Variants in GSG1L observed in about 807,000 individuals in gnomAD.
GSG1L encodes the protein GSG1 like, also known as germ cell-specific gene 1-like protein.
Under a neutral mutation model 42.1 loss-of-function variants are expected in GSG1L, and 24 were observed. That is an observed-to-expected ratio of 0.57 (90% confidence interval 0.41 to 0.80). GSG1L has a LOEUF of 0.80. Ranked by LOEUF, GSG1L falls within the 30% of genes least tolerant of loss-of-function variation. The probability of loss-of-function intolerance (pLI) is 0.00; values close to 1 mark genes in which losing one functional copy is unlikely to be tolerated. For synonymous variants in GSG1L, 215 were observed against 203.5 expected, an observed-to-expected ratio of 1.06 and a Z score of -0.48; for missense variants, 445 against 472.2, an observed-to-expected ratio of 0.94 and a Z score of 0.53.
At chr16:27,938,468 C>G (rs559260466) in intron 2 of GSG1L, among the ~76,000 whole-genome samples, 3 of 147,082 alleles carry the variant, frequency 2.0e-5, no homozygotes, top group African/African-American at 7.6e-5. Flanking sequence ...CCAAAGGTTC[C>G]CATTGAGACA....
intron 1 of GSG1L, among the ~76,000 whole-genome samples, chr16:28,010,548 C>T (rs2085705742): frequency 6.6e-6 from 1 of 152,126 alleles, no homozygotes; most frequent in Non-Finnish European, 1.5e-5. Context: ...GCCACCGTGC[C>T]AAGGCCATTT....
intron 2 of GSG1L, among the ~76,000 whole-genome samples, chr16:27,886,935 C>T (rs1365910719): frequency 6.6e-6 from 1 of 151,918 alleles, no homozygotes; most frequent in African/African-American, 2.4e-5. Context: ...TGTCTCTTTT[C>T]TTTCTCTCTT....
chr16:28,005,085 A>G (rs574984599), intron 1 of GSG1L, among the ~76,000 whole-genome samples: 5 of 152,128 alleles, frequency 3.3e-5, no homozygotes, highest in Non-Finnish European at 7.4e-5. Flanking sequence ...ATTCCTTCTG[A>G]GGGCTGTGGG....
chr16:27,885,936 G>A (rs559675999), intron 2 of GSG1L, among the ~76,000 whole-genome samples: 3 of 152,162 alleles, frequency 2.0e-5, no homozygotes, highest in Non-Finnish European at 2.9e-5. Context: ...GGGAGGATCT[G>A]TTGTTTTTCC....
intron 3 of GSG1L, among the ~76,000 whole-genome samples, chr16:27,848,765 C>T (rs968731100): frequency 5.9e-5 from 9 of 151,928 alleles, no homozygotes; most frequent in Non-Finnish European, 1.5e-5. Flanking sequence ...GAGGAAGTGA[C>T]ATTTAAGCAG....
intron 1 of GSG1L, among the ~76,000 whole-genome samples, chr16:28,062,370 C>T (rs1057444822): frequency 2.0e-5 from 3 of 152,192 alleles, no homozygotes; most frequent in African/African-American, 7.2e-5. Flanking sequence ...TTGTGCTAAG[C>T]TAAGCCCTCC....
intron 1 of GSG1L, among the ~76,000 whole-genome samples, chr16:28,038,525 G>T (rs567441652): frequency 6.6e-6 from 1 of 152,098 alleles, no homozygotes; most frequent in Non-Finnish European, 1.5e-5. Context: ...AAGTGGGGAC[G>T]TGCATGTGCA....
chr16:27,923,064 A>G (rs2084545097), intron 2 of GSG1L, among the ~76,000 whole-genome samples: 1 of 152,240 alleles, frequency 6.6e-6, no homozygotes, highest in Admixed American at 6.5e-5. Flanking sequence ...TTGGGATTAC[A>G]GGCGTAAGCC....
intron 2 of GSG1L, among the ~76,000 whole-genome samples, chr16:27,885,308 C>T (rs1417124972): frequency 6.6e-6 from 1 of 151,948 alleles, no homozygotes; most frequent in East Asian, 1.9e-4. Flanking sequence ...CGCCACCAAA[C>T]CCAGCTAATT....
At chr16:27,983,019 A>G (rs1047086347) in intron 1 of GSG1L, among the ~76,000 whole-genome samples, 1 of 152,200 alleles carries the variant, frequency 6.6e-6, no homozygotes, top group East Asian at 1.9e-4. Context: ...CTGTGCTGAC[A>G]TGTTACATGA....
At chr16:27,899,315 C>G (rs940371189) in intron 2 of GSG1L, among the ~76,000 whole-genome samples, 4 of 152,224 alleles carry the variant, frequency 2.6e-5, no homozygotes, top group Non-Finnish European at 4.4e-5. Context: ...CAGGCAAACC[C>G]CGGCTGTGCT....
At chr16:27,928,499 A>T (rs1343247120) in intron 2 of GSG1L, among the ~76,000 whole-genome samples, 2 of 147,242 alleles carry the variant, frequency 1.4e-5, no homozygotes, top group Non-Finnish European at 3.0e-5. Flanking sequence ...AGTTCTTGTG[A>T]GTGGAAAGAA....
intron 2 of GSG1L, among the ~76,000 whole-genome samples, chr16:27,892,220 C>T (rs989970446): frequency 6.6e-5 from 10 of 151,960 alleles, no homozygotes; most frequent in East Asian, 1.9e-4. Context: ...TTTGAGAGGC[C>T]GAGCTGGGAG....
chr16:27,903,415 A>G (rs1176907118), intron 2 of GSG1L, among the ~76,000 whole-genome samples: 1 of 152,160 alleles, frequency 6.6e-6, no homozygotes, highest in Non-Finnish European at 1.5e-5. Context: ...GGATGGTGGA[A>G]ACCACAGCCA....
chr16:27,924,683 G>A (rs777270007), intron 2 of GSG1L, among the ~76,000 whole-genome samples: 1 of 152,122 alleles, frequency 6.6e-6, no homozygotes, highest in African/African-American at 2.4e-5. Flanking sequence ...AGCAATAAGG[G>A]ATTTTCTTAT....
intron 3 of GSG1L, among the ~76,000 whole-genome samples, chr16:27,881,237 A>AG (rs1362576621): frequency 9.5e-6 from 1 of 104,962 alleles, no homozygotes; most frequent in African/African-American, 3.1e-5. Flanking sequence ...TAAGTATCAT[A>AG]CTTTTTTTTT....
At chr16:28,009,188 C>A (rs117722209) in intron 1 of GSG1L, among the ~76,000 whole-genome samples, 1 of 152,156 alleles carries the variant, frequency 6.6e-6, no homozygotes. Context: ...TGCTCTTTCC[C>A]CGACCTTCTC....
rs146852871 is a variant in GSG1L at position 27,924,953 on chromosome 16, G to A, written c.397+38203C>T. Among the ~76,000 whole-genome samples, 797 of 152,212 alleles carry A rather than the reference G, an allele frequency of 5.2e-3. 10 individuals are homozygous for A. Among genetic ancestry groups the A allele is most frequent in the African/African-American group, 0.018 (755 of 41,554 alleles). On this transcript the variant is annotated intron_variant, in intron 2 of 6. Transcript: ENST00000447459. ...GTCTCCCAGCAACACCGGATCACAC[G>A]CCTACTTCTAAACCAATCACTGTCA...
chr16:27,946,579 AAGAGAGAGAGAGAGAGAGAGAGAG>A (rs1166800286), intron 2 of GSG1L, among the ~76,000 whole-genome samples: 24 of 36,996 alleles, frequency 6.5e-4, no homozygotes, highest in African/African-American at 2.6e-3. Flanking sequence ...GAAAGAAAGA[AAGAGAGAGAGAGAGAGAGAGAGAG>A]AGAGAGAGAG....
Sources: gnomAD v4.1 joint callset for allele counts (sites outside exome capture counted in the v4.1 genomes callset) on GRCh38, gnomAD v4.1.1 for gene constraint, MANE v1.5 for transcripts, NCBI Gene and HGNC (gene_info 2026-07-23, HGNC 2026-07-21) for gene names.